The following TENM1 variants were observed in gnomAD, a reference collection of about 807,000 sequenced individuals.
The protein encoded by TENM1 is teneurin transmembrane protein 1, also known as teneurin-1.
Under a neutral mutation model 174.8 loss-of-function variants are expected in TENM1, and 35 were observed. That is an observed-to-expected ratio of 0.20 (90% CI 0.15 to 0.27). The LOEUF is 0.27. TENM1 is among the 10% of genes least tolerant of loss of function. The pLI, the probability that TENM1 is intolerant of heterozygous loss-of-function variation, is 1.00. For synonymous variants in TENM1, 781 were observed against 798.7 expected (o/e 0.98, Z 0.37); for missense variants, 1,633 against 2,130.1 (o/e 0.77, Z 4.59).
intron 5 of TENM1, among the ~76,000 whole-genome samples, chrX:124,686,375 T>A (rs1300479702): frequency 8.9e-6 from 1 of 111,832 alleles, no homozygotes; most frequent in Middle Eastern, 4.6e-3. Flanking sequence ...AACCTGAAAA[T>A]AAAGGATGCT....
At chrX:125,184,048 A>G in the TENM1 span, among the ~76,000 whole-genome samples, 1 of 112,001 alleles carries the variant, frequency 8.9e-6, no homozygotes, top group Non-Finnish European at 1.9e-5. Flanking sequence ...CTGAGAGTAG[A>G]GCCCAGGCTT....
At chrX:124,917,007 T>C (rs747759866) in intron 1 of TENM1, among the ~76,000 whole-genome samples, 23 of 112,066 alleles carry the variant, frequency 2.1e-4, no homozygotes, top group Non-Finnish European at 3.9e-4. Flanking sequence ...TCCCCACTGA[T>C]TAGTCCAGAT....
chrX:124,583,050 C>A (rs2049372606), intron 11 of TENM1, among the ~76,000 whole-genome samples: 1 of 112,280 alleles, frequency 8.9e-6, no homozygotes, highest in Admixed American at 9.4e-5. Flanking sequence ...CTGGGTGGAG[C>A]CCACCACAGC....
chrX:125,005,329 T>C, the TENM1 span, among the ~76,000 whole-genome samples: 1 of 108,309 alleles, frequency 9.2e-6, no homozygotes, highest in Non-Finnish European at 1.9e-5. Flanking sequence ...CTATTATGCA[T>C]TGGAATTCTG....
rs1440807160 is a variant in TENM1, at chrX:124,584,746, G to C, written c.2078-19186C>G. 2.7e-5 allele frequency among the ~76,000 whole-genome samples: 3 copies of C among 111,421 alleles called. 1 individual carries two copies. The Admixed American group carries it at 2.8e-4, about 11-fold the overall frequency. ...ATTAAAAGACACAGACTGGCAAATT[G>C]GATAAAGAGTCAAGATCCATCGGTG... is the stretch of plus-strand genomic sequence containing the variant. On this transcript the variant is annotated intron_variant, in intron 11 of 31. Coordinates refer to ENST00000422452, the Ensembl canonical transcript of TENM1.
At position 124,748,359 on chromosome X, in the gene TENM1, G is replaced by A. The variant is rs190199308; in HGVS notation, c.536-11162C>T. Among the ~76,000 whole-genome samples the A allele has an allele frequency of 1.0e-4, 11 of 109,198 alleles. No homozygotes were observed. The South Asian group carries it at 3.9e-3, about 39-fold the overall frequency. The allele number at this position is 109,198 out of a possible 115,157, so 94.8% of individuals were successfully genotyped here. On this transcript the variant is annotated intron_variant, in intron 3 of 31. Transcript: ENST00000422452. ...CAAGGTATACAGATATATATATAGA[G>A]AGAGAGATTATATATATATATATTT... is the stretch of plus-strand genomic sequence containing the variant.
the TENM1 span, among the ~76,000 whole-genome samples, chrX:125,147,349 T>C: frequency 2.7e-5 from 3 of 110,767 alleles, no homozygotes; most frequent in Admixed American, 2.9e-4. Context: ...ACAGAGCATT[T>C]CATTTCCAGC....
chrX:124,618,861 A>G (rs1376923912), intron 11 of TENM1, among the ~76,000 whole-genome samples: 1 of 112,302 alleles, frequency 8.9e-6, no homozygotes, highest in Admixed American at 9.4e-5. Flanking sequence ...CAGAAGGATC[A>G]CTTCAGCTCA....
At chrX:124,458,795 C>T (rs758873872) in intron 22 of TENM1, among the ~76,000 whole-genome samples, 7 of 112,339 alleles carry the variant, frequency 6.2e-5, no homozygotes, top group Admixed American at 5.7e-4. Flanking sequence ...CCTTGTGATC[C>T]TCTCAAAACT....
intron 20 of TENM1, among the ~76,000 whole-genome samples, chrX:124,491,975 G>C (rs4825906): frequency 0.21 from 22,846 of 110,811 alleles, 2,179 homozygotes; most frequent in African/African-American, 0.35. Context: ...TCTCTAAACA[G>C]GTTAAATTGT....
At chrX:124,826,126 G>C (rs2056154896) in intron 3 of TENM1, among the ~76,000 whole-genome samples, 1 of 111,442 alleles carries the variant, frequency 9.0e-6, no homozygotes, top group Non-Finnish European at 1.9e-5. Flanking sequence ...GAATTATTTA[G>C]AGCCTGGGCA....
At chrX:124,801,289 A>T (rs780382915) in intron 3 of TENM1, among the ~76,000 whole-genome samples, 1 of 112,036 alleles carries the variant, frequency 8.9e-6, no homozygotes, top group Non-Finnish European at 1.9e-5. Context: ...TTGGGTGTAT[A>T]TACATTTAAG....
the TENM1 span, among the ~76,000 whole-genome samples, chrX:124,999,206 T>C: frequency 1.2e-3 from 133 of 111,446 alleles, no homozygotes; most frequent in Non-Finnish European, 2.2e-3. Flanking sequence ...TGTGTGTTCA[T>C]ATTAAAATGT....
At chrX:125,020,349 T>C in the TENM1 span, among the ~76,000 whole-genome samples, 593 of 111,078 alleles carry the variant, frequency 5.3e-3, 3 homozygotes, top group Non-Finnish European at 8.7e-3. Context: ...TAGGATTTTA[T>C]AAATATTTAC....
At chrX:125,067,716 A>C in the TENM1 span, among the ~76,000 whole-genome samples, 2 of 112,149 alleles carry the variant, frequency 1.8e-5, no homozygotes, top group African/African-American at 6.5e-5. Context: ...ACTGGCTTCT[A>C]AAAGTGGTTG....
At chrX:125,171,032 C>G in the TENM1 span, among the ~76,000 whole-genome samples, 1 of 110,935 alleles carries the variant, frequency 9.0e-6, no homozygotes, top group African/African-American at 3.3e-5. Context: ...ACATCTACCT[C>G]TATTACTGTT....
At chrX:125,050,197 C>T in the TENM1 span, among the ~76,000 whole-genome samples, 3 of 108,778 alleles carry the variant, frequency 2.8e-5, no homozygotes, top group East Asian at 8.7e-4. Context: ...TTTTAGGGTA[C>T]ATGTGCACAA....
intron 8 of TENM1, among the ~76,000 whole-genome samples, chrX:124,651,459 A>G (rs1440838484): frequency 8.9e-6 from 1 of 112,097 alleles, no homozygotes; most frequent in Admixed American, 9.5e-5. Flanking sequence ...CTTATGTTGT[A>G]TTTTAAAGCC....
chrX:124,525,565 T>C (rs1480571673), intron 16 of TENM1, among the ~76,000 whole-genome samples: 1 of 112,358 alleles, frequency 8.9e-6, no homozygotes, highest in East Asian at 2.8e-4. Flanking sequence ...CTAAATAAAC[T>C]ATCCAGATAA....
Sources: gnomAD v4.1 joint callset for allele counts (sites outside exome capture counted in the v4.1 genomes callset) on GRCh38, gnomAD v4.1.1 for gene constraint, MANE v1.5 for transcripts, NCBI Gene and HGNC (gene_info 2026-07-23, HGNC 2026-07-21) for gene names.